The following CASD1 variants were observed in gnomAD, a reference collection of about 807,000 sequenced individuals.
The protein encoded by CASD1 is CAS1 domain sialic acid O acetyltransferase 1, also known as N-acetylneuraminate (7)9-O-acetyltransferase.
In CASD1, 41 loss-of-function variants were observed where a neutral mutation model predicts 100.0. That is an observed-to-expected ratio of 0.41 (90% CI 0.32 to 0.53). The LOEUF (loss-of-function observed/expected upper bound fraction) is 0.53, where lower values mean the gene tolerates loss of function less well. CASD1 is among the 20% of genes least tolerant of loss of function. The pLI is 0.25. For synonymous variants in CASD1, 321 were observed against 315.6 expected (o/e 1.02, Z -0.18); for missense variants, 774 against 948.7 (o/e 0.82, Z 2.42).
chr7:94,509,832 G>A lies in CASD1; in HGVS notation c.-253G>A. ...AGGAGACAGGCGTCCAGGGCGCCTGGGGAACCGGCACGGCGGAGCAGCGGC... is the reference window on the plus strand; with the variant it reads ...AGGAGACAGGCGTCCAGGGCGCCTGAGGAACCGGCACGGCGGAGCAGCGGC... On this transcript the variant is annotated 5_prime_UTR_variant, in exon 1 of 18. Coordinates refer to ENST00000297273, the MANE Select transcript of CASD1 (RefSeq NM_022900.5). The A allele has an allele frequency of 1.0e-6, 1 of 1,002,400 alleles. No individual in the cohort carries two copies. Among genetic ancestry groups the A allele is most frequent in the Non-Finnish European group, 1.2e-6 (1 of 841,470 alleles). 62.1% of individuals were successfully genotyped at this position (1,002,400 alleles called of 1,614,324 possible).
At chr7:94,538,012 T>C (rs1795202383) in intron 9 of CASD1, 118 bp downstream of exon 9, 1 of 647,078 alleles carries the variant, frequency 1.5e-6, no homozygotes, top group South Asian at 2.2e-5. Context: ...GAGATGAAGA[T>C]GAAGGAAGAT....
At chr7:94,519,460 A>G (rs1311308812) in intron 3 of CASD1, among the ~76,000 whole-genome samples, 1 of 152,222 alleles carries the variant, frequency 6.6e-6, no homozygotes, top group Non-Finnish European at 1.5e-5. Context: ...CATAGTGATG[A>G]TGATACCAGG....
chr7:94,613,753 G>A, the CASD1 span, among the ~76,000 whole-genome samples: 5 of 151,970 alleles, frequency 3.3e-5, no homozygotes, highest in East Asian at 7.7e-4. Flanking sequence ...AATATACTTT[G>A]TTATTTTATG....
chr7:94,554,419 G>A (rs1258718187), intron 16 of CASD1, 64 bp from the exon 17 acceptor site: 2 of 1,046,058 alleles, frequency 1.9e-6, no homozygotes, highest in African/African-American at 3.2e-5. Context: ...TTAAAAGAAA[G>A]CTTTATACAA....
chr7:94,614,052 T>C, the CASD1 span, among the ~76,000 whole-genome samples: 3 of 149,834 alleles, frequency 2.0e-5, no homozygotes, highest in Non-Finnish European at 4.4e-5. Context: ...AATAATTCTC[T>C]TGCAAGCCAG....
At chr7:94,570,469 A>G in the CASD1 span, among the ~76,000 whole-genome samples, 1 of 152,196 alleles carries the variant, frequency 6.6e-6, no homozygotes, top group East Asian at 1.9e-4. Flanking sequence ...CGTGTGCCCA[A>G]TAATATAGAT....
the CASD1 span, chr7:94,603,285 C>A: frequency 6.2e-7 from 1 of 1,609,346 alleles, no homozygotes. Flanking sequence ...AAAATAAAAA[C>A]TTACCAATGA....
chr7:94,609,186 A>C, the CASD1 span, among the ~76,000 whole-genome samples: 1 of 152,242 alleles, frequency 6.6e-6, no homozygotes, highest in African/African-American at 2.4e-5. Flanking sequence ...GTTATCCAAA[A>C]TATACAAAAA....
chr7:94,525,335 A>T (rs1290598602), intron 3 of CASD1, among the ~76,000 whole-genome samples: 1 of 152,220 alleles, frequency 6.6e-6, no homozygotes, highest in Non-Finnish European at 1.5e-5. Flanking sequence ...AAGTTTTTAA[A>T]ACAAAGTATA....
chr7:94,563,766 A>G, the CASD1 span, among the ~76,000 whole-genome samples: 1 of 150,098 alleles, frequency 6.7e-6, no homozygotes, highest in Non-Finnish European at 1.5e-5. Context: ...TGTTGCCCCC[A>G]GAACCCAAAG....
chr7:94,575,079 C>A, the CASD1 span, among the ~76,000 whole-genome samples: 1 of 152,160 alleles, frequency 6.6e-6, no homozygotes, highest in South Asian at 2.1e-4. Flanking sequence ...TATTTCTTGT[C>A]TTCTGCTAGC....
intron 7 of CASD1, 57 bp from the exon 8 acceptor site, chr7:94,535,252 A>G (rs745836412): frequency 7.7e-5 from 103 of 1,336,330 alleles, no homozygotes; most frequent in South Asian, 2.9e-4. Context: ...GCATGATCAC[A>G]ATTTTTACCA....
intron 17 of CASD1, 105 bp downstream of exon 17, chr7:94,554,680 C>A: frequency 1.6e-6 from 1 of 644,546 alleles, no homozygotes; most frequent in South Asian, 2.8e-5. Flanking sequence ...GTATGAAAAT[C>A]GGACGTACTT....
the CASD1 span, among the ~76,000 whole-genome samples, chr7:94,564,704 C>G: frequency 1.3e-5 from 2 of 152,100 alleles, no homozygotes; most frequent in Non-Finnish European, 2.9e-5. Flanking sequence ...TTTGCGTGCG[C>G]CCACTCTGAA....
chr7:94,563,941 A>G, the CASD1 span, among the ~76,000 whole-genome samples: 6 of 152,142 alleles, frequency 3.9e-5, no homozygotes, highest in African/African-American at 1.4e-4. Context: ...CTTATTTCCC[A>G]TACTCTAGAG....
chr7:94,594,711 A>T, the CASD1 span, among the ~76,000 whole-genome samples: 1 of 151,978 alleles, frequency 6.6e-6, no homozygotes, highest in South Asian at 2.1e-4. Flanking sequence ...GTATCTGGGA[A>T]CTCTCTATTA....
chr7:94,569,772 C>T, the CASD1 span, among the ~76,000 whole-genome samples: 1 of 150,098 alleles, frequency 6.7e-6, no homozygotes, highest in African/African-American at 2.5e-5. Context: ...GACAGCATAT[C>T]GTTGTATCAT....
the CASD1 span, chr7:94,621,013 C>T: frequency 6.6e-6 from 1 of 152,240 alleles, no homozygotes; most frequent in African/African-American, 2.4e-5. Context: ...TAGAGAATCA[C>T]TTTATGTACT....
At chr7:94,631,694 G>T in the CASD1 span, among the ~76,000 whole-genome samples, 1 of 151,730 alleles carries the variant, frequency 6.6e-6, no homozygotes, top group African/African-American at 2.4e-5. Context: ...TGGATCCTGG[G>T]GTAAATTTAA....
Sources: allele counts gnomAD v4.1 joint callset (sites outside exome capture counted in the v4.1 genomes callset), GRCh38; gene constraint gnomAD v4.1.1; transcripts MANE v1.5; gene names NCBI Gene and HGNC (gene_info 2026-07-23, HGNC 2026-07-21).